GRIN2B: variants seen among roughly 807,000 people sequenced by gnomAD.
The protein encoded by GRIN2B is glutamate ionotropic receptor NMDA type subunit 2B.
In GRIN2B, 5 loss-of-function variants were observed where a neutral mutation model predicts 114.5. The ratio of observed to expected loss-of-function variants is 0.04; its 90% CI spans 0.02 to 0.09. GRIN2B has a LOEUF of 0.09. Ranked by LOEUF, GRIN2B falls within the 10% of genes least tolerant of loss-of-function variation. The pLI is 1.00. For missense variants in GRIN2B, 1,108 were observed against 1,943.5 expected (o/e 0.57, Z 8.08); for synonymous variants, 787 against 745.1 (o/e 1.06, Z -0.92).
At chr12:13,675,930 A>G in intron 4 of GRIN2B, 71 bp from the exon 5 acceptor site, 1 of 852,160 alleles carries the variant, frequency 1.2e-6, no homozygotes, top group Non-Finnish European at 2.0e-6. Context: ...AGTCAGGTAT[A>G]TAGAGAGAAA....
chr12:13,922,767 A>G (rs765533459), intron 2 of GRIN2B, among the ~76,000 whole-genome samples: 2 of 152,240 alleles, frequency 1.3e-5, no homozygotes, highest in Non-Finnish European at 2.9e-5. Context: ...TAACAGCACC[A>G]AAACTGTGCT....
intron 5 of GRIN2B, among the ~76,000 whole-genome samples, chr12:13,664,052 T>G (rs1279810391): frequency 6.6e-6 from 1 of 152,216 alleles, no homozygotes; most frequent in Non-Finnish European, 1.5e-5. Flanking sequence ...ATAATATTTA[T>G]TTAAATTTAT....
chr12:13,962,159 G>C (rs1199438242), intron 2 of GRIN2B, among the ~76,000 whole-genome samples: 1 of 147,694 alleles, frequency 6.8e-6, no homozygotes, highest in African/African-American at 2.5e-5. Context: ...TGAGCGGCAG[G>C]GAGCATGGCT....
At chr12:13,948,281 A>T (rs116461673) in intron 2 of GRIN2B, among the ~76,000 whole-genome samples, 1,549 of 152,288 alleles carry the variant, frequency 0.01, 16 homozygotes, top group African/African-American at 0.034. Context: ...ATAAGGATCA[A>T]TCCAACCCTG....
chr12:13,783,431 G>GGTTTTGTTTTGTTTTGTTTTGTTTT (rs58630929), intron 3 of GRIN2B, among the ~76,000 whole-genome samples: 49,840 of 149,428 alleles, frequency 0.33, 9,266 homozygotes, highest in Admixed American at 0.43. Flanking sequence ...AACGGAAATA[G>GGTTTTGTTTTGTTTTGTTTTGTTTT]GTTTTGTTTT....
intron 5 of GRIN2B, among the ~76,000 whole-genome samples, chr12:13,665,164 TGTTTG>T (rs1949961998): frequency 1.6e-4 from 4 of 25,024 alleles, no homozygotes; most frequent in Non-Finnish European, 2.3e-4. Context: ...TGTGTGTGTG[TGTTTG>T]TGTGTGTGTG....
chr12:13,560,120 A>G lies in GRIN2B; in HGVS notation c.*2663T>C, dbSNP rs570895688. On this transcript the variant is annotated 3_prime_UTR_variant, in exon 14 of 14. Coordinates refer to ENST00000609686, the MANE Select transcript of GRIN2B (RefSeq NM_000834.5). ...CTATGTAAAACCCTGGCCAAAGTGC[A>G]TGAACATTTCTCACAAACCAGTAAG... 2 of 152,322 alleles carry G rather than the reference A, an allele frequency of 1.3e-5. No homozygotes were observed. Among genetic ancestry groups the G allele is most frequent in the East Asian group, 1.9e-4 (1 of 5,186 alleles). 9.4% of individuals were successfully genotyped at this position (152,322 alleles called of 1,614,324 possible). A position where few individuals can be genotyped will look rare whatever the true frequency, so the allele number is the denominator to read the frequency against.
chr12:13,673,430 G>A (rs1950041655), intron 5 of GRIN2B, among the ~76,000 whole-genome samples: 1 of 152,024 alleles, frequency 6.6e-6, no homozygotes, highest in African/African-American at 2.4e-5. Flanking sequence ...AACCATAGAA[G>A]GCTCAAGTTG....
At position 13,721,462 on chromosome 12, in the gene GRIN2B, A is replaced by T. The variant is rs184753541; in HGVS notation, c.1010+31855T>A. ...GGCAGAAAGGAGAGCAGATGAGATG[A>T]TGAAAAGACAGGCTCAATAGCATGG... On this transcript the variant is annotated intron_variant, in intron 4 of 13. Coordinates refer to ENST00000609686, the MANE Select transcript of GRIN2B (RefSeq NM_000834.5). Among the ~76,000 whole-genome samples the T allele has an allele frequency of 3.4e-3, 523 of 152,194 alleles. 3 individuals carry two copies. The highest frequency in any genetic ancestry group is 4.7e-3 in the Non-Finnish European group (321 of 67,988).
chr12:13,655,416 T>G (rs1329224891), intron 5 of GRIN2B, among the ~76,000 whole-genome samples: 1 of 152,170 alleles, frequency 6.6e-6, no homozygotes, highest in African/African-American at 2.4e-5. Flanking sequence ...GTATGAGGCT[T>G]GAATTTTACA....
intron 3 of GRIN2B, among the ~76,000 whole-genome samples, chr12:13,857,400 C>T (rs1255957083): frequency 6.6e-6 from 1 of 151,140 alleles, no homozygotes; most frequent in Non-Finnish European, 1.5e-5. Flanking sequence ...CACACACACA[C>T]TCTCACACAC....
intron 3 of GRIN2B, among the ~76,000 whole-genome samples, chr12:13,837,948 CAAAT>C (rs945016669): frequency 6.6e-6 from 1 of 152,140 alleles, no homozygotes; most frequent in African/African-American, 2.4e-5. Flanking sequence ...CTAACAAATG[CAAAT>C]AAATATTAAA....
intron 2 of GRIN2B, among the ~76,000 whole-genome samples, chr12:13,924,580 C>T (rs746483844): frequency 5.2e-4 from 79 of 152,196 alleles, no homozygotes; most frequent in Non-Finnish European, 1.0e-3. Context: ...CTCCTGACTG[C>T]TCTCTCCTGG....
intron 2 of GRIN2B, among the ~76,000 whole-genome samples, chr12:13,872,645 T>G (rs1217679324): frequency 6.6e-6 from 1 of 152,114 alleles, no homozygotes; most frequent in African/African-American, 2.4e-5. Flanking sequence ...AAAATGCAGA[T>G]AACATACTTG....
chr12:13,688,709 G>A (rs1950190525), intron 4 of GRIN2B, among the ~76,000 whole-genome samples: 2 of 152,150 alleles, frequency 1.3e-5, no homozygotes, highest in Admixed American at 6.6e-5. Flanking sequence ...TATTTATTTG[G>A]TTTGGTTAAT....
chr12:13,977,067 T>A (rs1467553163), intron 2 of GRIN2B, among the ~76,000 whole-genome samples: 2 of 152,192 alleles, frequency 1.3e-5, no homozygotes, highest in Non-Finnish European at 2.9e-5. Flanking sequence ...CTGCTGTTCA[T>A]CCCTTCTCCA....
rs1419244792 is a variant in GRIN2B at position 13,801,127 on chromosome 12, C to T, written c.412-47212G>A. On this transcript the variant is annotated intron_variant, in intron 3 of 13. Transcript: ENST00000609686. The stretch of plus-strand genomic sequence containing the variant: ...ACGTACAATTTGTAATAAACCAAAA[C>T]CTGCCATATCAACATATACTTATTG... Among the ~76,000 whole-genome samples the T allele has an allele frequency of 3.3e-5, 5 of 152,238 alleles. No individual in the cohort carries two copies. In the East Asian group the frequency reaches 7.7e-4, roughly 24 times the overall value.
At chr12:13,793,252 C>A (rs1043952145) in intron 3 of GRIN2B, among the ~76,000 whole-genome samples, 2 of 152,154 alleles carry the variant, frequency 1.3e-5, no homozygotes, top group African/African-American at 4.8e-5. Flanking sequence ...GAAACCCAGT[C>A]TCTACTAAAG....
At position 13,563,133 on chromosome 12, in the gene GRIN2B, C is replaced by A; in HGVS notation, c.4105G>T (p.Gly1369Cys). 1.2e-6 allele frequency: 2 copies of A among 1,614,144 alleles called. No individual in the cohort carries two copies. Among genetic ancestry groups the A allele is most frequent in the Non-Finnish European group, 1.7e-6 (2 of 1,180,038 alleles). Residue 1369 changes from glycine to cysteine, a missense_variant, in exon 14 of 14, where the codon GGC becomes TGC. By Grantham distance (159) the Gly-to-Cys change is radical (BLOSUM62 -3). This residue lies in a region of GRIN2B where 478 missense variants were observed against 506.0 expected (regional missense o/e 0.94). Transcript: ENST00000609686. Reference sequence around the variant, plus strand: ...AGCGACTTGCTGAGCATGTACCCGCCGCCGGGGTTGTTGTGGTGGTGATGT... The same window carrying A: ...AGCGACTTGCTGAGCATGTACCCGCAGCCGGGGTTGTTGTGGTGGTGATGT... The part of the protein sequence containing the change: ...AGHHHHNNPG[G>C]GYMLSKSLYP...
Sources: allele counts gnomAD v4.1 joint callset (sites outside exome capture counted in the v4.1 genomes callset), GRCh38; gene constraint gnomAD v4.1.1; regional missense constraint gnomAD v4.1.1; transcripts MANE v1.5; gene names NCBI Gene and HGNC (gene_info 2026-07-23, HGNC 2026-07-21).